Variants in CNTNAP2 observed in about 807,000 individuals in gnomAD.
CNTNAP2 encodes contactin associated protein 2, also known as contactin-associated protein-like 2.
A neutral mutation model predicts 155.2 loss-of-function variants in CNTNAP2; 98 were observed. That is an observed-to-expected ratio of 0.63 (90% confidence interval 0.54 to 0.75). CNTNAP2 has a LOEUF of 0.75. CNTNAP2 is among the 30% of genes least tolerant of loss of function. The probability of loss-of-function intolerance (pLI) is 0.00; values close to 1 mark genes in which losing one functional copy is unlikely to be tolerated. For missense variants in CNTNAP2, 1,727 were observed against 1,688.1 expected (o/e 1.02, Z -0.40); for synonymous variants, 651 against 631.2 (o/e 1.03, Z -0.47).
At chr7:147,642,896 G>A (rs762427853) in intron 13 of CNTNAP2, among the ~76,000 whole-genome samples, 1 of 152,092 alleles carries the variant, frequency 6.6e-6, no homozygotes, top group Non-Finnish European at 1.5e-5. Flanking sequence ...CTTAACAAAT[G>A]TTTGCTGATT....
At chr7:147,304,607 A>G (rs917430854) in intron 9 of CNTNAP2, among the ~76,000 whole-genome samples, 122 of 152,296 alleles carry the variant, frequency 8.0e-4, no homozygotes, top group Middle Eastern at 3.4e-3. Context: ...AAAGAACTCA[A>G]TGGGGAAGCA....
intron 4 of CNTNAP2, chr7:147,081,184 AG>A (rs762727394): frequency 1.3e-5 from 2 of 152,068 alleles, no homozygotes; most frequent in East Asian, 1.9e-4. Flanking sequence ...CGGATTGTTG[AG>A]CCACATTTGA....
intron 11 of CNTNAP2, chr7:147,496,675 C>T (rs924384023): frequency 2.0e-5 from 3 of 152,180 alleles, no homozygotes; most frequent in Non-Finnish European, 2.9e-5. Context: ...GAAATTAAGA[C>T]ACCTGGATTT....
intron 1 of CNTNAP2, among the ~76,000 whole-genome samples, chr7:146,224,107 T>C (rs1799251997): frequency 6.6e-6 from 1 of 152,200 alleles, no homozygotes; most frequent in Non-Finnish European, 1.5e-5. Flanking sequence ...GTAAATGTAT[T>C]TATAGCCAAA....
intron 1 of CNTNAP2, among the ~76,000 whole-genome samples, chr7:146,380,781 G>GTTCTTTTTTTT (rs1458124371): frequency 5.6e-5 from 5 of 89,246 alleles, no homozygotes; most frequent in African/African-American, 1.9e-4. Context: ...TCTTATGCAC[G>GTTCTTTTTTTT]TTCTTTTTTT....
chr7:146,721,420 T>C (rs1801308519), intron 1 of CNTNAP2, among the ~76,000 whole-genome samples: 1 of 128,808 alleles, frequency 7.8e-6, no homozygotes, highest in Non-Finnish European at 1.5e-5. Flanking sequence ...ATTCTATATA[T>C]ACATTCTATA....
At chr7:147,063,006 C>A (rs1204593169) in intron 4 of CNTNAP2, among the ~76,000 whole-genome samples, 1 of 152,122 alleles carries the variant, frequency 6.6e-6, no homozygotes. Context: ...AGACTGGAGT[C>A]ACGGAGCCAG....
chr7:146,350,991 A>G lies in CNTNAP2; in HGVS notation c.97+234018A>G, dbSNP rs190972461. 6.4e-3 allele frequency among the ~76,000 whole-genome samples: 878 copies of G among 137,028 alleles called. 7 individuals carry two copies. The highest frequency in any genetic ancestry group is 0.022 in the African/African-American group (797 of 37,038). 89.9% of individuals were successfully genotyped at this position (137,028 alleles called of 152,430 possible). A position where few individuals can be genotyped will look rare whatever the true frequency, so the allele number is the denominator to read the frequency against. On this transcript the variant is annotated intron_variant, in intron 1 of 23. Transcript: ENST00000361727. ...GGAAATTGAACAATGAGAGCACATG[A>G]ACACAGGAAGGGGAGCATCACACTC...
intron 13 of CNTNAP2, among the ~76,000 whole-genome samples, chr7:147,715,858 T>C (rs948658040): frequency 3.3e-5 from 5 of 152,206 alleles, no homozygotes; most frequent in Non-Finnish European, 5.9e-5. Flanking sequence ...GGTCCATTTT[T>C]AGTTGATTTT....
chr7:147,912,382 T>C (rs1019697693), intron 14 of CNTNAP2, among the ~76,000 whole-genome samples: 4 of 152,148 alleles, frequency 2.6e-5, no homozygotes, highest in African/African-American at 7.2e-5. Context: ...CTGCATGCCT[T>C]GCTGCCACCC....
rs563594286 is a variant in CNTNAP2, at chr7:147,419,533, A to G, written c.1670+23753A>G. 3.9e-5 allele frequency among the ~76,000 whole-genome samples: 6 copies of G among 152,330 alleles called. No homozygotes were observed. In the South Asian group the frequency reaches 1.0e-3, roughly 26 times the overall value. Reference sequence around the variant, plus strand: ...TTATTTTTATTTAATAATTTCATTTATAAATTGCCTCTTTACAATTATGAT... The same window carrying G: ...TTATTTTTATTTAATAATTTCATTTGTAAATTGCCTCTTTACAATTATGAT... On this transcript the variant is annotated intron_variant, in intron 10 of 23. Coordinates refer to ENST00000361727, the MANE Select transcript of CNTNAP2 (RefSeq NM_014141.6).
intron 1 of CNTNAP2, among the ~76,000 whole-genome samples, chr7:146,202,329 T>C: frequency 6.6e-6 from 1 of 152,206 alleles, no homozygotes; most frequent in East Asian, 1.9e-4. Context: ...TGGCTAAATG[T>C]TATTGAAAAT....
chr7:146,738,504 C>T (rs1585067119), intron 1 of CNTNAP2, among the ~76,000 whole-genome samples: 1 of 151,958 alleles, frequency 6.6e-6, no homozygotes, highest in Middle Eastern at 3.4e-3. Context: ...TCTGCAGAAG[C>T]TTTTATGTTT....
intron 2 of CNTNAP2, among the ~76,000 whole-genome samples, chr7:146,818,032 TTAAA>T: frequency 6.6e-6 from 1 of 152,304 alleles, no homozygotes; most frequent in Non-Finnish European, 1.5e-5. Flanking sequence ...ATATTTAGAG[TTAAA>T]TAAATACTAG....
intron 17 of CNTNAP2, among the ~76,000 whole-genome samples, chr7:148,148,938 T>C (rs1240752744): frequency 6.6e-6 from 1 of 152,174 alleles, no homozygotes; most frequent in African/African-American, 2.4e-5. Flanking sequence ...TCCCTCAAGT[T>C]ATAGATCACA....
chr7:146,566,448 A>G (rs1367431145), intron 1 of CNTNAP2, among the ~76,000 whole-genome samples: 1 of 152,186 alleles, frequency 6.6e-6, no homozygotes, highest in Non-Finnish European at 1.5e-5. Context: ...CCACTAAAAA[A>G]GTAGAATATT....
intron 10 of CNTNAP2, among the ~76,000 whole-genome samples, chr7:147,401,709 T>C (rs1397988885): frequency 6.6e-6 from 1 of 152,162 alleles, no homozygotes; most frequent in Non-Finnish European, 1.5e-5. Flanking sequence ...GTTCTCATGA[T>C]AGTGAGTGAG....
At chr7:147,120,722 G>A (rs902710436) in intron 5 of CNTNAP2, among the ~76,000 whole-genome samples, 9 of 151,546 alleles carry the variant, frequency 5.9e-5, no homozygotes, top group South Asian at 2.1e-4. Context: ...ATGCTGGTGC[G>A]CTGCACCCAC....
At chr7:147,462,015 G>A (rs13237862) in intron 10 of CNTNAP2, among the ~76,000 whole-genome samples, 118,797 of 152,150 alleles carry the variant, frequency 0.78, 46,740 homozygotes, top group African/African-American at 0.88. Flanking sequence ...AGCAATAGTC[G>A]ATTCCCTGCA....
Sources: allele counts gnomAD v4.1 joint callset (sites outside exome capture counted in the v4.1 genomes callset), GRCh38; gene constraint gnomAD v4.1.1; transcripts MANE v1.5; gene names NCBI Gene and HGNC (gene_info 2026-07-23, HGNC 2026-07-21).